CSTA: variants seen among roughly 807,000 people sequenced by gnomAD.
CSTA encodes cystatin-A.
CSTA carries 9 observed loss-of-function variants against 9.2 expected under a neutral mutation model. That is an observed-to-expected ratio of 0.97 (90% CI 0.59 to 1.70). The LOEUF (loss-of-function observed/expected upper bound fraction) is 1.70. Among genes scored for constraint, CSTA ranks in the 40% most tolerant of loss-of-function variants. The pLI is 0.00. For missense variants in CSTA, 118 were observed against 113.1 expected (o/e 1.04, Z -0.20); for synonymous variants, 36 against 40.6 (o/e 0.89, Z 0.43).
At chr3:122,333,540 G>GAAGAGAGAAAGAAAGAAAGAAAGAAAGA (rs2075216454) in intron 1 of CSTA, among the ~76,000 whole-genome samples, 1 of 112,078 alleles carries the variant, frequency 8.9e-6, no homozygotes, top group Non-Finnish European at 1.8e-5. Flanking sequence ...AGAAAAGAAA[G>GAAGAGAGAAAGAAAGAAAGAAAGAAAGA]AAGAAAGAAA....
At chr3:122,336,477 A>G (rs1203215224) in intron 1 of CSTA, among the ~76,000 whole-genome samples, 1 of 152,232 alleles carries the variant, frequency 6.6e-6, no homozygotes, top group Non-Finnish European at 1.5e-5. Context: ...AATATAAAAT[A>G]AGTAATTGAC....
chr3:122,332,654 G>A (rs1232361605), intron 1 of CSTA, among the ~76,000 whole-genome samples: 1 of 152,142 alleles, frequency 6.6e-6, no homozygotes, highest in Non-Finnish European at 1.5e-5. Context: ...AGAACTCTGG[G>A]TTAAATGCAT....
intron 1 of CSTA, among the ~76,000 whole-genome samples, chr3:122,334,820 C>A (rs1451166816): frequency 6.6e-6 from 1 of 152,068 alleles, no homozygotes; most frequent in Non-Finnish European, 1.5e-5. Flanking sequence ...AGAAGCTAAG[C>A]CCATAGAGGG....
At chr3:122,327,212 G>A (rs1157266648) in intron 1 of CSTA, among the ~76,000 whole-genome samples, 12 of 150,810 alleles carry the variant, frequency 8.0e-5, no homozygotes, top group Non-Finnish European at 1.6e-4. Context: ...CCCCAGTCTG[G>A]GCAACAGAGC....
Position 122,338,499 on chromosome 3 carries a change from C to CAAA in CSTA, c.168+865_168+867dup, listed in dbSNP as rs58446448. Among the ~76,000 whole-genome samples the CAAA allele has an allele frequency of 2.6e-3, 363 of 140,168 alleles. 3 individuals are homozygous for CAAA. The highest frequency in any genetic ancestry group is 4.3e-3 in the Non-Finnish European group (277 of 64,416). 92.0% of individuals were successfully genotyped at this position (140,168 alleles called of 152,430 possible). On this transcript the variant is annotated intron_variant, in intron 2 of 2. Transcript: ENST00000264474. ...TAAACATTTTAAAAGATTTTTTCAGCAAAAAAAAAAAAAAAAGTAAGTGAA... is the reference window on the plus strand; with the variant it reads ...TAAACATTTTAAAAGATTTTTTCAGCAAAAAAAAAAAAAAAAAAAGTAAGTGAA...
intron 1 of CSTA, among the ~76,000 whole-genome samples, chr3:122,331,672 T>C (rs1247337338): frequency 1.3e-5 from 2 of 152,222 alleles, no homozygotes; most frequent in East Asian, 1.9e-4. Flanking sequence ...TGTGGATTAA[T>C]GCTTAACAAC....
chr3:122,328,553 G>A (rs889634886), intron 1 of CSTA, among the ~76,000 whole-genome samples: 4 of 148,554 alleles, frequency 2.7e-5, no homozygotes, highest in African/African-American at 9.9e-5. Flanking sequence ...CTCACCCCCA[G>A]TGTTTGACTG....
At chr3:122,336,285 T>A (rs1294229959) in intron 1 of CSTA, among the ~76,000 whole-genome samples, 1 of 152,134 alleles carries the variant, frequency 6.6e-6, no homozygotes, top group South Asian at 2.1e-4. Context: ...ACCTGGAACA[T>A]CTGACTCTAC....
At chr3:122,328,211 C>G in intron 1 of CSTA, among the ~76,000 whole-genome samples, 1 of 152,234 alleles carries the variant, frequency 6.6e-6, no homozygotes, top group South Asian at 2.1e-4. Context: ...TTAAGAGTCA[C>G]TTAATTAAAC....
Position 122,337,535 on chromosome 3 carries a change from T to C in CSTA, c.67-12T>C. ...AGCTTTGATTATTTGTTTCCTCTTT[T>C]CTTTTCTTTAGGTTAAACCACAGCT... On this transcript the variant is annotated splice_polypyrimidine_tract_variant and intron_variant, in intron 1 of 2. Coordinates refer to ENST00000264474, the MANE Select transcript of CSTA (RefSeq NM_005213.4). 1 of 1,567,458 alleles carries C rather than the reference T, an allele frequency of 6.4e-7. No homozygotes were observed. The highest frequency in any genetic ancestry group is 1.7e-5 in the Admixed American group (1 of 59,938).
At chr3:122,326,855 T>C (rs533276740) in intron 1 of CSTA, among the ~76,000 whole-genome samples, 1 of 152,300 alleles carries the variant, frequency 6.6e-6, no homozygotes, top group African/African-American at 2.4e-5. Flanking sequence ...GACTCCCAAG[T>C]GCTGCTGCTG....
At chr3:122,327,528 CAAA>C (rs59568582) in intron 1 of CSTA, among the ~76,000 whole-genome samples, 2 of 44,092 alleles carry the variant, frequency 4.5e-5, no homozygotes, top group Non-Finnish European at 8.4e-5. Flanking sequence ...GACTCCGTCT[CAAA>C]AAAAAAAAAA....
rs1350961115 is a variant in CSTA, at chr3:122,333,548, AAAG to A, written c.67-3996_67-3994del. Among the ~76,000 whole-genome samples the A allele has an allele frequency of 8.7e-4, 52 of 59,702 alleles. 2 individuals are homozygous for A. The highest frequency in any genetic ancestry group is 7.7e-3 in the South Asian group (15 of 1,956). The allele number at this position is 59,702 out of a possible 152,430, so 39.2% of individuals were successfully genotyped here. ...GAAAGAAAGAAAAGAAAGAAGAAAG[AAAG>A]AAAGAAAGAAAGAAAGAAAGAAAGA... On this transcript the variant is annotated intron_variant, in intron 1 of 2. Transcript: ENST00000264474.
intron 1 of CSTA, among the ~76,000 whole-genome samples, chr3:122,336,095 T>C (rs1438804627): frequency 6.6e-6 from 1 of 152,100 alleles, no homozygotes; most frequent in African/African-American, 2.4e-5. Flanking sequence ...TGTGCATGTG[T>C]GAGTACACAT....
chr3:122,326,248 C>G (rs2075170194), intron 1 of CSTA, among the ~76,000 whole-genome samples: 1 of 152,172 alleles, frequency 6.6e-6, no homozygotes, highest in South Asian at 2.1e-4. Context: ...CTAGACTGGT[C>G]TTGAATTCCT....
chr3:122,331,688 C>T (rs1222091384), intron 1 of CSTA, among the ~76,000 whole-genome samples: 2 of 152,206 alleles, frequency 1.3e-5, no homozygotes, highest in African/African-American at 4.8e-5. Context: ...ACAACCCGGA[C>T]AGGACCCAGG....
At chr3:122,326,173 C>A (rs2075169873) in intron 1 of CSTA, among the ~76,000 whole-genome samples, 1 of 152,144 alleles carries the variant, frequency 6.6e-6, no homozygotes, top group South Asian at 2.1e-4. Context: ...CATATGCCAC[C>A]ACGCCTGGCT....
intron 1 of CSTA, 140 bp downstream of exon 1, chr3:122,325,498 T>C: frequency 1.2e-6 from 1 of 806,140 alleles, no homozygotes; most frequent in Non-Finnish European, 2.1e-6. Context: ...ACAACTAAGA[T>C]GAAATAAGAG....
intron 1 of CSTA, among the ~76,000 whole-genome samples, chr3:122,335,318 T>C (rs1024199077): frequency 2.0e-5 from 3 of 152,164 alleles, no homozygotes; most frequent in Non-Finnish European, 4.4e-5. Context: ...GCAGGTGTGA[T>C]TAAGTTAAGG....
Sources: gnomAD v4.1 joint callset for allele counts (sites outside exome capture counted in the v4.1 genomes callset) on GRCh38, gnomAD v4.1.1 for gene constraint, MANE v1.5 for transcripts, NCBI Gene and HGNC (gene_info 2026-07-23, HGNC 2026-07-21) for gene names.